The following ARID2 variants were observed in gnomAD, a reference collection of about 807,000 sequenced individuals.
The protein encoded by ARID2 is AT-rich interactive domain-containing protein 2.
Under a neutral mutation model 184.6 loss-of-function variants are expected in ARID2, and 32 were observed. That is an observed-to-expected ratio of 0.17 (90% CI 0.13 to 0.23). The LOEUF (loss-of-function observed/expected upper bound fraction) is 0.23. Among genes scored for constraint, ARID2 ranks in the 10% least tolerant of loss-of-function variants. The pLI, the probability that ARID2 is intolerant of heterozygous loss-of-function variation, is 1.00. For missense variants in ARID2, 1,696 were observed against 2,197.6 expected, an observed-to-expected ratio of 0.77 and a Z score of 4.56; for synonymous variants, 836 against 772.6, an observed-to-expected ratio of 1.08 and a Z score of -1.36.
At chr12:45,849,045 A>C (rs1446670698) in intron 13 of ARID2, 75 bp downstream of exon 13, 1 of 1,476,550 alleles carries the variant, frequency 6.8e-7, no homozygotes, top group African/African-American at 1.4e-5. Context: ...AGAAAATACC[A>C]AATATCTTAT....
At chr12:45,782,811 TAAG>T (rs1942121332) in intron 3 of ARID2, among the ~76,000 whole-genome samples, 1 of 151,576 alleles carries the variant, frequency 6.6e-6, no homozygotes, top group Non-Finnish European at 1.5e-5. Flanking sequence ...GAAAAAAACT[TAAG>T]AAGTGAAAAA....
At chr12:45,857,628 C>T (rs1592125393) in intron 15 of ARID2, among the ~76,000 whole-genome samples, 1 of 152,266 alleles carries the variant, frequency 6.6e-6, no homozygotes, top group East Asian at 1.9e-4. Flanking sequence ...GGCCAAAACT[C>T]CTACTTTTAA....
rs558537033 is a variant in ARID2 at position 45,767,913 on chromosome 12, C to T, written c.284+36599C>T. Among the ~76,000 whole-genome samples, 4 of 152,304 alleles carry T rather than the reference C, an allele frequency of 2.6e-5. No individual in the cohort carries two copies. In the East Asian group the frequency reaches 7.7e-4, roughly 29 times the overall value. On this transcript the variant is annotated intron_variant, in intron 3 of 20. Coordinates refer to ENST00000334344, the MANE Select transcript of ARID2 (RefSeq NM_152641.4). ...GGACAGTGCACTTTCAACAGGACAG[C>T]ATGAGTCTTTCTGTAGACCCACTTT...
At chr12:45,877,697 T>C (rs1208695657) in intron 16 of ARID2, among the ~76,000 whole-genome samples, 1 of 152,040 alleles carries the variant, frequency 6.6e-6, no homozygotes, top group Non-Finnish European at 1.5e-5. Context: ...CTTTACATAC[T>C]GTCACTCATT....
At chr12:45,740,862 A>G (rs572009341) in intron 3 of ARID2, among the ~76,000 whole-genome samples, 1 of 152,150 alleles carries the variant, frequency 6.6e-6, no homozygotes, top group Non-Finnish European at 1.5e-5. Context: ...ATATTTTTTC[A>G]GGATTTAAGT....
chr12:45,898,785 C>G (rs371455458), intron 20 of ARID2, among the ~76,000 whole-genome samples: 12 of 151,948 alleles, frequency 7.9e-5, no homozygotes, highest in African/African-American at 2.7e-4. Context: ...GGCATGGTGG[C>G]GCATGCCTGT....
chr12:45,813,458 T>TAA (rs56373880), intron 4 of ARID2, among the ~76,000 whole-genome samples: 11,818 of 138,184 alleles, frequency 0.086, 1,688 homozygotes, highest in African/African-American at 0.29. Flanking sequence ...GCATGTGTTC[T>TAA]AAAAAAAAAA....
chr12:45,888,180 G>A (rs1187576701), intron 16 of ARID2, among the ~76,000 whole-genome samples: 1 of 148,446 alleles, frequency 6.7e-6, no homozygotes, highest in Non-Finnish European at 1.5e-5. Flanking sequence ...GGGTGACAGA[G>A]CGAGACTCCG....
At chr12:45,814,658 A>G (rs1413268937) in intron 4 of ARID2, among the ~76,000 whole-genome samples, 1 of 152,176 alleles carries the variant, frequency 6.6e-6, no homozygotes, top group African/African-American at 2.4e-5. Context: ...CAAAAAAATA[A>G]TAAACTTCCC....
intron 3 of ARID2, among the ~76,000 whole-genome samples, chr12:45,807,960 T>C (rs1429270894): frequency 1.3e-5 from 2 of 152,212 alleles, no homozygotes; most frequent in South Asian, 2.1e-4. Context: ...CCCCATTATA[T>C]TGGTCACATT....
chr12:45,784,788 A>G (rs1036973780), intron 3 of ARID2, among the ~76,000 whole-genome samples: 1 of 152,260 alleles, frequency 6.6e-6, no homozygotes, highest in African/African-American at 2.4e-5. Flanking sequence ...AATTCCAGGC[A>G]GACCACATAC....
Position 45,846,259 on chromosome 12 carries a change from A to G in ARID2, c.1499-597A>G, listed in dbSNP as rs192072203. 3.9e-5 allele frequency among the ~76,000 whole-genome samples: 6 copies of G among 152,268 alleles called. No homozygotes were observed. The East Asian group carries it at 1.2e-3, about 29-fold the overall frequency. On this transcript the variant is annotated intron_variant, in intron 11 of 20. Coordinates refer to ENST00000334344, the MANE Select transcript of ARID2 (RefSeq NM_152641.4). ...TATCTTCTTTTTTTCTTCCCCAGAA[A>G]AATTATGGAAATCCTTTTTTGAATA...
intron 3 of ARID2, among the ~76,000 whole-genome samples, chr12:45,800,892 G>T (rs900840017): frequency 2.0e-5 from 3 of 152,080 alleles, no homozygotes; most frequent in African/African-American, 4.8e-5. Context: ...ACTGAATAAC[G>T]ATAGGAATGT....
Position 45,767,995 on chromosome 12 carries a change from T to C in ARID2, c.284+36681T>C, listed in dbSNP as rs182178429. ...CTCGAAAAATGGTCCTAAGAACATA[T>C]AGCAAATGAAAAGACATTTATTCAA... On this transcript the variant is annotated intron_variant, in intron 3 of 20. Transcript: ENST00000334344. Among the ~76,000 whole-genome samples the C allele has an allele frequency of 3.9e-5, 6 of 152,260 alleles. No individual in the cohort carries two copies. In the East Asian group the frequency reaches 7.7e-4, roughly 20 times the overall value.
chr12:45,784,717 G>GA (rs1942163793), intron 3 of ARID2, among the ~76,000 whole-genome samples: 1 of 152,156 alleles, frequency 6.6e-6, no homozygotes, highest in Admixed American at 6.5e-5. Flanking sequence ...TTTGTAAGAT[G>GA]AGTATCTTTT....
At chr12:45,758,007 C>A (rs1009148372) in intron 3 of ARID2, among the ~76,000 whole-genome samples, 2 of 152,106 alleles carry the variant, frequency 1.3e-5, no homozygotes, top group African/African-American at 4.8e-5. Flanking sequence ...AATGAATAGT[C>A]ATTTATGAAT....
Position 45,852,101 on chromosome 12 carries a change from A to G in ARID2, c.3978A>G (p.Pro1326=), listed in dbSNP as rs770141287. 1.1e-5 allele frequency: 17 copies of G among 1,614,160 alleles called. No homozygotes were observed. The South Asian group carries it at 1.9e-4, about 18-fold the overall frequency. The change falls in exon 15 of 21, where the codon CCA becomes CCG. Residue 1326 remains proline (P), a synonymous_variant. Transcript: ENST00000334344. ...TNQCSLISNG[P]SLELGENGAS... is the part of the protein sequence containing the mutation. Reference sequence around the variant, plus strand: ...AGTGCTCACTAATCAGTAATGGGCCATCATTGGAATTAGGTGAGAATGGAG... The same window carrying G: ...AGTGCTCACTAATCAGTAATGGGCCGTCATTGGAATTAGGTGAGAATGGAG...
intron 16 of ARID2, among the ~76,000 whole-genome samples, chr12:45,876,764 T>TGA (rs1944016159): frequency 6.6e-6 from 1 of 150,450 alleles, no homozygotes; most frequent in East Asian, 2.0e-4. Flanking sequence ...ATAGTCTTGC[T>TGA]TGTCACAGGG....
intron 16 of ARID2, among the ~76,000 whole-genome samples, chr12:45,867,198 C>G (rs1198558222): frequency 2.6e-5 from 4 of 151,982 alleles, no homozygotes; most frequent in Non-Finnish European, 5.9e-5. Flanking sequence ...ATCCACCCAC[C>G]TTGGCCTCCC....
Sources: gnomAD v4.1 joint callset for allele counts (sites outside exome capture counted in the v4.1 genomes callset) on GRCh38, gnomAD v4.1.1 for gene constraint, MANE v1.5 for transcripts, NCBI Gene and HGNC (gene_info 2026-07-23, HGNC 2026-07-21) for gene names.